The following PROM1 variants were observed in gnomAD, a reference collection of about 807,000 sequenced individuals.
PROM1 encodes the protein prominin-1.
In PROM1, 105 loss-of-function variants were observed where a neutral mutation model predicts 116.9. The observed-to-expected ratio is 0.90, with a 90% CI of 0.77 to 1.06. The LOEUF is 1.06. Among genes scored for constraint, PROM1 ranks in the 50% least tolerant of loss-of-function variants. PROM1 has a pLI of 0.00. For synonymous variants in PROM1, 393 were observed against 387.0 expected, an observed-to-expected ratio of 1.02 and a Z score of -0.18; for missense variants, 1,122 against 1,045.2, an observed-to-expected ratio of 1.07 and a Z score of -1.01.
At chr4:16,030,900 G>C (rs1399049574) in intron 5 of PROM1, among the ~76,000 whole-genome samples, 2 of 152,094 alleles carry the variant, frequency 1.3e-5, no homozygotes, top group Non-Finnish European at 1.5e-5. Context: ...ACAAAAATCT[G>C]CCGGGCCTGG....
At chr4:16,072,821 A>G (rs992995929) in intron 2 of PROM1, among the ~76,000 whole-genome samples, 1 of 152,196 alleles carries the variant, frequency 6.6e-6, no homozygotes. Flanking sequence ...TACTTTGCAG[A>G]GTACTTTGCA....
Position 15,979,895 on chromosome 4 carries a change from A to T in PROM1, c.2499T>A (p.Thr833=), listed in dbSNP as rs1170237451. 5 of 1,442,454 alleles carry T rather than the reference A, an allele frequency of 3.5e-6. No individual in the cohort carries two copies. The highest frequency in any genetic ancestry group is 4.7e-6 in the Non-Finnish European group (5 of 1,060,218). 89.4% of individuals were successfully genotyped at this position (1,442,454 alleles called of 1,614,324 possible). The change falls in exon 25 of 28, where the codon ACT becomes ACA. Residue 833 remains threonine (T), a synonymous_variant. Transcript: ENST00000447510. The part of the protein sequence containing the change: ...DSEDVYDDVE[T]IPMKNMENGN... ...AAAAGGCTTACTTTTTCATGGGTAT[A>T]GTTTCAACACTATAAAATACAAAAA...
At chr4:16,051,105 C>T (rs1399593343) in intron 2 of PROM1, among the ~76,000 whole-genome samples, 3 of 152,104 alleles carry the variant, frequency 2.0e-5, no homozygotes, top group Admixed American at 6.6e-5. Flanking sequence ...ATGTGAGCTG[C>T]GTCTTAAAAG....
chr4:15,971,201 T>A (rs908122688), intron 26 of PROM1, 119 bp from the exon 27 acceptor site: 7 of 734,474 alleles, frequency 9.5e-6, no homozygotes, highest in African/African-American at 8.8e-5. Context: ...AAACCACACC[T>A]CATAAAGTTT....
At chr4:16,053,928 C>T (rs1333655583) in intron 2 of PROM1, among the ~76,000 whole-genome samples, 2 of 152,166 alleles carry the variant, frequency 1.3e-5, no homozygotes. Context: ...AACCCCTACT[C>T]TACTAAAAAT....
In PROM1 at chr4:16,075,830, G is replaced by C; in HGVS notation, c.77C>G (p.Thr26Arg). The C allele has an allele frequency of 6.2e-7, 1 of 1,613,794 alleles. No homozygotes were observed. The highest frequency in any genetic ancestry group is 8.5e-7 in the Non-Finnish European group (1 of 1,179,836). Residue 26 changes from threonine (T) to arginine (R), a missense_variant, in exon 2 of 28, where the codon ACA becomes AGA. Transcript: ENST00000447510. ...NSFSGGQPSS[T>R]DAPKAWNYEL... ...ATAATTCCAAGCCTTAGGAGCATCT[G>C]TGGATGAAGGCTGCCCTCCTGAAAA...
chr4:15,992,493 C>CT, intron 16 of PROM1, 102 bp from the exon 17 acceptor site: 1 of 1,284,882 alleles, frequency 7.8e-7, no homozygotes, highest in Non-Finnish European at 1.1e-6. Context: ...TGGCTCATGC[C>CT]TGCAATCCTA....
At chr4:15,979,303 G>C (rs539705332) in intron 26 of PROM1, 92 bp downstream of exon 26, 370 of 1,581,638 alleles carry the variant, frequency 2.3e-4, no homozygotes, top group Non-Finnish European at 2.9e-4. Context: ...AGAAGTGAAG[G>C]CATCAGCAGC....
At chr4:15,999,711 A>G (rs1723266674) in intron 14 of PROM1, among the ~76,000 whole-genome samples, 1 of 152,180 alleles carries the variant, frequency 6.6e-6, no homozygotes. Context: ...TCTCAACTTA[A>G]TCTCCCTCGA....
At chr4:15,992,436 A>T in intron 16 of PROM1, 45 bp from the exon 17 acceptor site, 1 of 1,594,226 alleles carries the variant, frequency 6.3e-7, no homozygotes, top group Non-Finnish European at 8.6e-7. Flanking sequence ...TTCTCCAAGA[A>T]TGTCACAAAC....
rs190875499 is a variant in PROM1 at position 16,001,224 on chromosome 4, T to C, written c.1455-605A>G. Reference sequence around the variant, plus strand: ...CTCGGAAAGCGCTGAACACGAGAGGTAGAGGCAAGGAAGGGCTCCAAGGGC... The same window carrying C: ...CTCGGAAAGCGCTGAACACGAGAGGCAGAGGCAAGGAAGGGCTCCAAGGGC... On this transcript the variant is annotated intron_variant, in intron 13 of 27. Coordinates refer to ENST00000447510, the MANE Select transcript of PROM1 (RefSeq NM_006017.3). 1.0e-3 allele frequency among the ~76,000 whole-genome samples: 156 copies of C among 151,956 alleles called. 1 individual carries two copies. The highest frequency in any genetic ancestry group is 3.7e-3 in the African/African-American group (152 of 41,428).
chr4:16,047,600 G>A (rs1736843510), intron 2 of PROM1, among the ~76,000 whole-genome samples: 1 of 143,634 alleles, frequency 7.0e-6, no homozygotes, highest in Non-Finnish European at 1.5e-5. Flanking sequence ...CGTTAAACTA[G>A]TTGTAGATGT....
chr4:15,977,325 T>G (rs1193523997), intron 26 of PROM1, among the ~76,000 whole-genome samples: 1 of 152,096 alleles, frequency 6.6e-6, no homozygotes, highest in Non-Finnish European at 1.5e-5. Flanking sequence ...TCCTAGAAGA[T>G]CCGATGTTAG....
At chr4:15,990,622 A>C (rs1412063052) in intron 18 of PROM1, among the ~76,000 whole-genome samples, 1 of 152,210 alleles carries the variant, frequency 6.6e-6, no homozygotes, top group East Asian at 1.9e-4. Flanking sequence ...GCCCGCACTC[A>C]GAGCAGAGGG....
chr4:15,993,836 G>T, intron 16 of PROM1, 151 bp downstream of exon 16: 2 of 1,394,486 alleles, frequency 1.4e-6, no homozygotes, highest in South Asian at 3.3e-5. Flanking sequence ...AGAGGTGAAG[G>T]TTACACAGCC....
At chr4:15,973,120 C>T (rs1715047743) in intron 26 of PROM1, among the ~76,000 whole-genome samples, 4 of 152,232 alleles carry the variant, frequency 2.6e-5, no homozygotes, top group African/African-American at 2.4e-5. Flanking sequence ...CACCTGCTTC[C>T]TCCTCTAGGC....
At chr4:16,041,646 G>C (rs141546268) in intron 2 of PROM1, among the ~76,000 whole-genome samples, 3,429 of 151,912 alleles carry the variant, frequency 0.023, 49 homozygotes, top group Middle Eastern at 0.044. Flanking sequence ...TGCACCTGTA[G>C]TGGGAGGCTG....
chr4:15,987,877 CTT>C (rs56144936), intron 19 of PROM1, among the ~76,000 whole-genome samples, 161 bp from the exon 20 acceptor site: 30 of 132,352 alleles, frequency 2.3e-4, no homozygotes, highest in African/African-American at 5.7e-4. Context: ...TGTGTACTTT[CTT>C]TTTTTTTTTT....
At chr4:16,036,187 C>A (rs1733902981) in intron 3 of PROM1, among the ~76,000 whole-genome samples, 1 of 152,160 alleles carries the variant, frequency 6.6e-6, no homozygotes, top group African/African-American at 2.4e-5. Flanking sequence ...GGTGTTATTC[C>A]CATGCTTAAA....
Sources: allele counts gnomAD v4.1 joint callset (sites outside exome capture counted in the v4.1 genomes callset), GRCh38; gene constraint gnomAD v4.1.1; transcripts MANE v1.5; gene names NCBI Gene and HGNC (gene_info 2026-07-23, HGNC 2026-07-21).